Variants in HSF1 observed in about 807,000 individuals in gnomAD.
HSF1 encodes heat shock factor protein 1.
A neutral mutation model predicts 51.7 loss-of-function variants in HSF1; 32 were observed. The observed-to-expected ratio is 0.62, with a 90% CI of 0.47 to 0.83. The LOEUF is 0.83. HSF1 is among the 40% of genes least tolerant of loss of function. The pLI is 0.00. For synonymous variants in HSF1, 396 were observed against 309.7 expected (o/e 1.28, Z -2.92); for missense variants, 727 against 717.0 (o/e 1.01, Z -0.16).
At chr8:144,303,279 A>T (rs1461398072) in intron 1 of HSF1, among the ~76,000 whole-genome samples, 2 of 152,058 alleles carry the variant, frequency 1.3e-5, no homozygotes, top group African/African-American at 4.8e-5. Flanking sequence ...TGGCCCCAGC[A>T]GGGCTCTTCG....
chr8:144,296,680 G>A (rs1815485351), intron 1 of HSF1, among the ~76,000 whole-genome samples: 1 of 152,100 alleles, frequency 6.6e-6, no homozygotes, highest in African/African-American at 2.4e-5. Context: ...GGTGGTGGGT[G>A]CCTGTAGTCC....
rs1163431392 is a variant in HSF1, at chr8:144,291,743, C to T, written c.-15C>T. On this transcript the variant is annotated 5_prime_UTR_variant, in exon 1 of 13. Coordinates refer to ENST00000528838, the MANE Select transcript of HSF1 (RefSeq NM_005526.4). This position sits in a 1 kb window ranked among gnomAD's most constrained non-coding sequence, Gnocchi z 4.1. ...TTTGCGGCCGCTCCCTCCGCCTATTCCCTCCTTGCTCGAGATGGATCTGCC... is the reference window on the plus strand; with the variant it reads ...TTTGCGGCCGCTCCCTCCGCCTATTTCCTCCTTGCTCGAGATGGATCTGCC... 4 of 1,445,782 alleles carry T rather than the reference C, an allele frequency of 2.8e-6. No individual in the cohort carries two copies. The highest frequency in any genetic ancestry group is 3.7e-6 in the Non-Finnish European group (4 of 1,077,522). The allele number at this position is 1,445,782 out of a possible 1,614,324, so 89.6% of individuals were successfully genotyped here.
chr8:144,313,707 G>GCCTCCCCGCACCGCCTCC, intron 10 of HSF1, 91 bp downstream of exon 10: 1 of 37,436 alleles, frequency 2.7e-5, no homozygotes, highest in African/African-American at 1.9e-4. Flanking sequence ...TCCCCGCGCC[G>GCCTCCCCGCACCGCCTCC]CCGCCCCGCC....
At chr8:144,302,861 T>C (rs1815986961) in intron 1 of HSF1, among the ~76,000 whole-genome samples, 1 of 151,824 alleles carries the variant, frequency 6.6e-6, no homozygotes, top group Non-Finnish European at 1.5e-5. Flanking sequence ...TTTGAACAGA[T>C]ACATCAAAAA....
chr8:144,298,899 G>A (rs1463611436), intron 1 of HSF1, among the ~76,000 whole-genome samples: 2 of 152,238 alleles, frequency 1.3e-5, no homozygotes, highest in Non-Finnish European at 1.5e-5. Context: ...CAACTTGAAG[G>A]GGAAGAGTAA....
At chr8:144,313,351 T>C in intron 9 of HSF1, 160 bp from the exon 10 acceptor site, 1 of 590,642 alleles carries the variant, frequency 1.7e-6, no homozygotes, top group East Asian at 3.0e-5. Flanking sequence ...CTCCACTGCC[T>C]TCCAGGCCGT....
intron 4 of HSF1, chr8:144,310,266 C>G (rs1276934639): frequency 1.0e-5 from 2 of 195,112 alleles, no homozygotes; most frequent in Non-Finnish European, 2.1e-5. Context: ...AGACCCACCT[C>G]AGGCCCTTCC....
Position 144,291,705 on chromosome 8 carries a change from C to T in HSF1, c.-53C>T. ...TGGCGCGGCGACGGCGTTAGCCCGG[C>T]CCTCGGCCCCTCTTTGCGGCCGCTC... On this transcript the variant is annotated 5_prime_UTR_variant, in exon 1 of 13. Transcript: ENST00000528838. This position sits in a 1 kb window ranked among gnomAD's most constrained non-coding sequence, Gnocchi z 4.1. 5 of 1,097,490 alleles carry T rather than the reference C, an allele frequency of 4.6e-6. No individual in the cohort carries two copies. The highest frequency in any genetic ancestry group is 5.1e-5 in the Admixed American group (2 of 39,318). The allele number at this position is 1,097,490 out of a possible 1,614,324, so 68.0% of individuals were successfully genotyped here.
intron 1 of HSF1, among the ~76,000 whole-genome samples, chr8:144,305,722 A>AT (rs1816171181): frequency 3.8e-5 from 3 of 78,180 alleles, no homozygotes; most frequent in African/African-American, 4.2e-5. Flanking sequence ...CCCTCTGGTT[A>AT]ATTTTTTTTT....
intron 10 of HSF1, 110 bp from the exon 11 acceptor site, chr8:144,313,736 G>GCACCGCCTCCCCGCACCGCCTCCCCGCAC: frequency 2.9e-5 from 1 of 34,412 alleles, no homozygotes; most frequent in African/African-American, 1.1e-3. Context: ...CCGCCTCCCC[G>GCACCGCCTCCCCGCACCGCCTCCCCGCAC]CGCCTCCCCG....
chr8:144,299,845 C>A lies in HSF1; in HGVS notation c.117+7971C>A, dbSNP rs370733754. On this transcript the variant is annotated intron_variant, in intron 1 of 12. Transcript: ENST00000528838. ...AATTGCTTGGACCCGGGAGGTGGAG[C>A]TTGCAGTGAGCCAAGATCGTGCCAC... Among the ~76,000 whole-genome samples, 31 of 151,884 alleles carry A rather than the reference C, an allele frequency of 2.0e-4. No individual in the cohort carries two copies. The South Asian group carries it at 6.0e-3, about 30-fold the overall frequency.
intron 1 of HSF1, among the ~76,000 whole-genome samples, chr8:144,304,297 C>T (rs1388647325): frequency 6.6e-6 from 1 of 152,200 alleles, no homozygotes; most frequent in African/African-American, 2.4e-5. Context: ...CGTAAGTGTT[C>T]ATCTGTTATA....
Position 144,308,937 on chromosome 8 carries a change from G to A in HSF1, c.149G>A (p.Gly50Asp), listed in dbSNP as rs782600286. 7 of 1,614,044 alleles carry A rather than the reference G, an allele frequency of 4.3e-6. No homozygotes were observed. The highest frequency in any genetic ancestry group is 1.7e-5 in the Admixed American group (1 of 60,018). The change falls in exon 2 of 13, where the codon GGC becomes GAC. Residue 50 changes from glycine to aspartate, a missense_variant. Coordinates refer to ENST00000528838, the MANE Select transcript of HSF1 (RefSeq NM_005526.4). ...AACAGCTTCCACGTGTTCGACCAGG[G>A]CCAGTTTGCCAAGGAGGTGCTGCCC... is the stretch of plus-strand genomic sequence containing the variant. ...SGNSFHVFDQ[G>D]QFAKEVLPKY...
At chr8:144,300,635 C>A (rs1554842117) in intron 1 of HSF1, among the ~76,000 whole-genome samples, 1 of 152,184 alleles carries the variant, frequency 6.6e-6, no homozygotes, top group Non-Finnish European at 1.5e-5. Context: ...AGAGACATTC[C>A]ACAAACTGTT....
intron 1 of HSF1, among the ~76,000 whole-genome samples, chr8:144,308,666 C>T (rs960023642): frequency 1.3e-5 from 2 of 152,256 alleles, no homozygotes; most frequent in African/African-American, 2.4e-5. Flanking sequence ...ATCTGCCCAC[C>T]GCCCAGTCCT....
intron 1 of HSF1, among the ~76,000 whole-genome samples, chr8:144,302,669 A>C (rs1554842609): frequency 6.6e-6 from 1 of 151,612 alleles, no homozygotes; most frequent in Non-Finnish European, 1.5e-5. Flanking sequence ...TCTACAAAAA[A>C]AAATGAGCCT....
At position 144,313,853 on chromosome 8, in the gene HSF1, G is replaced by T. The variant is rs1817004519; in HGVS notation, c.1256G>T (p.Ser419Ile). ...VDTSALLDLF[S>I]PSVTVPDMSL... ...TCCCTCCCTCCTCCGCAGCTGTTCAGCCCCTCGGTGACCGTGCCCGACATG... is the reference window on the plus strand; with the variant it reads ...TCCCTCCCTCCTCCGCAGCTGTTCATCCCCTCGGTGACCGTGCCCGACATG... The change falls in exon 11 of 13, where the codon AGC (serine) becomes ATC (isoleucine). Residue 419 changes from serine to isoleucine, a missense_variant. Coordinates refer to ENST00000528838, the MANE Select transcript of HSF1 (RefSeq NM_005526.4). 3 of 1,596,100 alleles carry T rather than the reference G, an allele frequency of 1.9e-6. No homozygotes were observed. The highest frequency in any genetic ancestry group is 2.2e-5 in the South Asian group (2 of 90,336).
chr8:144,299,170 A>G (rs1815687227), intron 1 of HSF1, among the ~76,000 whole-genome samples: 1 of 152,168 alleles, frequency 6.6e-6, no homozygotes, highest in Admixed American at 6.5e-5. Context: ...AGCCAGGCGA[A>G]GTGGCTCACA....
intron 1 of HSF1, among the ~76,000 whole-genome samples, chr8:144,296,928 G>C (rs1815505191): frequency 5.4e-5 from 2 of 36,718 alleles, no homozygotes; most frequent in South Asian, 1.5e-3. Context: ...ATGGTGTGGT[G>C]GGGGGGGTGC....
Sources: gnomAD v4.1 joint callset for allele counts (sites outside exome capture counted in the v4.1 genomes callset) on GRCh38, gnomAD v4.1.1 for gene constraint, Gnocchi (gnomAD v3.1) non-coding constraint, MANE v1.5 for transcripts, NCBI Gene and HGNC (gene_info 2026-07-23, HGNC 2026-07-21) for gene names.